Variants in PCDHA3 observed in about 807,000 individuals in gnomAD.
PCDHA3 encodes protocadherin alpha-3.
In PCDHA3, 41 loss-of-function variants were observed where a neutral mutation model predicts 62.2. That is an observed-to-expected ratio of 0.66 (90% CI 0.51 to 0.86). The LOEUF is 0.86. Ranked by LOEUF, PCDHA3 falls within the 40% of genes least tolerant of loss-of-function variation. The pLI, the probability that PCDHA3 is intolerant of heterozygous loss-of-function variation, is 0.00. For missense variants in PCDHA3, 1,304 were observed against 1,241.2 expected (o/e 1.05, Z -0.76); for synonymous variants, 640 against 555.4 (o/e 1.15, Z -2.14).
At chr5:140,876,614 C>G in intron 1 of PCDHA3, 1 of 1,614,130 alleles carries the variant, frequency 6.2e-7, no homozygotes, top group Non-Finnish European at 8.5e-7. Flanking sequence ...GACTCTGGAG[C>G]CAATGGACAG....
intron 1 of PCDHA3, chr5:140,876,387 T>C (rs2056316391): frequency 6.2e-7 from 1 of 1,613,830 alleles, no homozygotes; most frequent in Admixed American, 1.7e-5. Flanking sequence ...TTAGAATTTA[T>C]GGTGAACTGG....
chr5:140,968,709 T>C lies in PCDHA3; in HGVS notation c.2395-10240T>C, dbSNP rs2153773320. ...GGAGAAATTAGGACTACCAGGAAGA[T>C]GGGAGATGAGAGTGGTAGCACTTTC... On this transcript the variant is annotated intron_variant, in intron 1 of 3. Coordinates refer to ENST00000522353, the MANE Select transcript of PCDHA3 (RefSeq NM_018906.3). The C allele has an allele frequency of 1.9e-6, 3 of 1,614,030 alleles. No homozygotes were observed. In the East Asian group the frequency reaches 6.7e-5, roughly 36 times the overall value.
At chr5:140,946,588 A>G (rs2093966025) in intron 1 of PCDHA3, among the ~76,000 whole-genome samples, 1 of 147,134 alleles carries the variant, frequency 6.8e-6, no homozygotes, top group South Asian at 2.1e-4. Context: ...TTCATAGTGG[A>G]TGAATAGATA....
intron 1 of PCDHA3, among the ~76,000 whole-genome samples, chr5:140,908,888 C>T (rs2074210125): frequency 1.3e-5 from 2 of 152,122 alleles, no homozygotes; most frequent in African/African-American, 4.8e-5. Flanking sequence ...CCAATAGTCC[C>T]AAATAAGCCT....
intron 1 of PCDHA3, chr5:140,828,303 G>A: frequency 1.2e-6 from 2 of 1,614,088 alleles, no homozygotes; most frequent in Non-Finnish European, 8.5e-7. Context: ...TCCAAAGACC[G>A]CGAGGACCTT....
intron 1 of PCDHA3, among the ~76,000 whole-genome samples, chr5:140,936,916 A>C (rs782442769): frequency 3.0e-4 from 46 of 152,222 alleles, no homozygotes; most frequent in Non-Finnish European, 6.6e-4. Context: ...ATCTGTAGAA[A>C]ATATGGGGTA....
intron 2 of PCDHA3, among the ~76,000 whole-genome samples, chr5:140,979,920 C>T (rs1554241253): frequency 6.6e-6 from 1 of 152,206 alleles, no homozygotes; most frequent in Non-Finnish European, 1.5e-5. Flanking sequence ...AAGAGAAAGC[C>T]TACAAAGTAT....
intron 1 of PCDHA3, chr5:140,867,891 G>C (rs1468636250): frequency 1.3e-5 from 2 of 152,016 alleles, no homozygotes; most frequent in African/African-American, 4.8e-5. Flanking sequence ...CACAATATCA[G>C]GTACTTACAG....
intron 1 of PCDHA3, chr5:140,968,828 C>T (rs1404451202): frequency 6.2e-7 from 1 of 1,614,198 alleles, no homozygotes; most frequent in South Asian, 1.1e-5. Context: ...TTCCAAAATC[C>T]TCCCTGACAC....
chr5:140,801,794 T>C lies in PCDHA3; in HGVS notation c.597T>C (p.Asn199=). Residue 199 remains asparagine, a synonymous_variant, in exon 1 of 4, where the codon AAT becomes AAC. Transcript: ENST00000522353. ...IKSLGLVLKK[N]LNREDTPKHY... is the part of the protein sequence containing the mutation. ...CCCTTGGACTCGTGTTGAAAAAAAA[T>C]TTAAATCGAGAGGACACTCCTAAGC... The C allele has an allele frequency of 6.2e-7, 1 of 1,613,862 alleles. No individual in the cohort carries two copies.
intron 1 of PCDHA3, among the ~76,000 whole-genome samples, chr5:140,910,005 G>T (rs1554194067): frequency 1.3e-5 from 2 of 152,212 alleles, no homozygotes; most frequent in African/African-American, 4.8e-5. Flanking sequence ...ATTGTTGTCA[G>T]TGTCATCCTT....
Position 140,808,807 on chromosome 5 carries a change from C to G in PCDHA3, c.2394+5216C>G, listed in dbSNP as rs7707144. ...AGTTTCAGGTGACCGCTCGCGATGC[C>G]GGCGTGCCACCTCTGGGCAGCAACG... is the stretch of plus-strand genomic sequence containing the variant. On this transcript the variant is annotated intron_variant, in intron 1 of 3. Transcript: ENST00000522353. The G allele has an allele frequency of 9.9e-3, 16,035 of 1,612,652 alleles. 1,348 individuals carry two copies. In the African/African-American group the frequency reaches 0.19, roughly 19 times the overall value.
intron 3 of PCDHA3, among the ~76,000 whole-genome samples, chr5:141,007,036 A>G (rs1018909399): frequency 4.6e-5 from 7 of 152,200 alleles, no homozygotes; most frequent in African/African-American, 1.4e-4. Context: ...ATTTATATCT[A>G]TGGATATGGC....
intron 1 of PCDHA3, chr5:140,930,410 CAG>C (rs2086812971): frequency 6.7e-6 from 1 of 149,986 alleles, no homozygotes; most frequent in South Asian, 2.1e-4. Flanking sequence ...TTTTTTGAGA[CAG>C]GGGTCTCACT....
chr5:140,809,343 C>T, intron 1 of PCDHA3: 1 of 1,614,074 alleles, frequency 6.2e-7, no homozygotes, highest in South Asian at 1.1e-5. Flanking sequence ...CTGCTGTACA[C>T]CGCGCTGCGG....
At chr5:140,872,472 A>T (rs1251918712) in intron 1 of PCDHA3, among the ~76,000 whole-genome samples, 1 of 152,106 alleles carries the variant, frequency 6.6e-6, no homozygotes, top group South Asian at 2.1e-4. Context: ...ATAAAAAATT[A>T]AAAAATTAGC....
At chr5:140,884,137 C>T (rs782067447) in intron 1 of PCDHA3, 4 of 1,613,402 alleles carry the variant, frequency 2.5e-6, no homozygotes, top group Middle Eastern at 1.7e-4. Context: ...TCCCGTTCCG[C>T]GTGGGGCTGT....
chr5:140,885,229 C>A (rs1410460890), intron 1 of PCDHA3, among the ~76,000 whole-genome samples: 2 of 151,932 alleles, frequency 1.3e-5, no homozygotes, highest in African/African-American at 4.8e-5. Context: ...TGTGATTCTG[C>A]TTTCAATTTT....
intron 1 of PCDHA3, among the ~76,000 whole-genome samples, chr5:140,820,691 T>C (rs1379555443): frequency 1.3e-5 from 2 of 152,116 alleles, no homozygotes; most frequent in Non-Finnish European, 2.9e-5. Context: ...AATAAAATGA[T>C]ATTCTTTTCA....
Sources: allele counts gnomAD v4.1 joint callset (sites outside exome capture counted in the v4.1 genomes callset), GRCh38; gene constraint gnomAD v4.1.1; transcripts MANE v1.5; gene names NCBI Gene and HGNC (gene_info 2026-07-23, HGNC 2026-07-21).